Variants in LAPTM4A observed in about 807,000 individuals in gnomAD.
LAPTM4A encodes the protein lysosomal-associated transmembrane protein 4A.
LAPTM4A carries 19 observed loss-of-function variants against 29.9 expected under a neutral mutation model. The ratio of observed to expected loss-of-function variants is 0.64; its 90% CI spans 0.44 to 0.93. The LOEUF is 0.93. Ranked by LOEUF, LAPTM4A falls within the 40% of genes least tolerant of loss-of-function variation. The pLI is 0.00. For synonymous variants in LAPTM4A, 105 were observed against 102.1 expected, an observed-to-expected ratio of 1.03 and a Z score of -0.17; for missense variants, 293 against 288.5, an observed-to-expected ratio of 1.02 and a Z score of -0.11.
At position 20,034,362 on chromosome 2, in the gene LAPTM4A, G is replaced by A. The variant is rs371370646; in HGVS notation, c.582C>T (p.Asn194=). Residue 194 remains asparagine (N), a synonymous_variant, in exon 6 of 7, where the codon AAC becomes AAT. Coordinates refer to ENST00000175091, the MANE Select transcript of LAPTM4A (RefSeq NM_014713.5). ...WNCYKYINNR[N]VPEIAVYPAF... is the part of the protein sequence containing the mutation. Reference sequence around the variant, plus strand: ...CAGGGTACACAGCAATCTCCGGCACGTTTCGGTTGTTGATGTATTTATAGC... The same window carrying A: ...CAGGGTACACAGCAATCTCCGGCACATTTCGGTTGTTGATGTATTTATAGC... The A allele has an allele frequency of 3.1e-4, 502 of 1,614,054 alleles. 5 individuals are homozygous for A. In the South Asian group the frequency reaches 4.5e-3, roughly 15 times the overall value.
Position 20,051,523 on chromosome 2 carries a change from TA to T in LAPTM4A, c.-4del, listed in dbSNP as rs1350252028. On this transcript the variant is annotated 5_prime_UTR_variant, in exon 1 of 7. Transcript: ENST00000175091. ...CGCTTGAAACTCATGGACACCATCG[TA>T]ACAGGCGGGCCTCCTTCTTGGCCGG... 1.9e-6 allele frequency: 3 copies of T among 1,582,730 alleles called. No individual in the cohort carries two copies. Among genetic ancestry groups the T allele is most frequent in the African/African-American group, 1.4e-5 (1 of 73,924 alleles).
intron 1 of LAPTM4A, among the ~76,000 whole-genome samples, chr2:20,046,734 T>TAA: frequency 6.9e-6 from 1 of 145,480 alleles, no homozygotes; most frequent in Non-Finnish European, 1.5e-5. Flanking sequence ...TATATATCTA[T>TAA]ATATAAATAT....
chr2:20,035,252 CACTT>C (rs1553330703), intron 4 of LAPTM4A, 190 bp from the exon 5 acceptor site: 8 of 558,452 alleles, frequency 1.4e-5, no homozygotes, highest in Non-Finnish European at 1.9e-5. Context: ...TGCTAACAAT[CACTT>C]AGAGTACATT....
intron 5 of LAPTM4A, 138 bp downstream of exon 5, chr2:20,034,829 T>A: frequency 1.5e-6 from 1 of 659,490 alleles, no homozygotes; most frequent in Admixed American, 2.5e-5. Context: ...CTAGAAGCTA[T>A]CTCTGCTCAT....
At position 20,033,045 on chromosome 2, in the gene LAPTM4A, A is replaced by T; in HGVS notation, c.*160T>A. The stretch of plus-strand genomic sequence containing the variant: ...TTAACAAAAAAACAAAAAGACGTTT[A>T]ACAGATGTCAAAAAGCTCCTTAGTG... On this transcript the variant is annotated 3_prime_UTR_variant, in exon 7 of 7. Transcript: ENST00000175091. The T allele has an allele frequency of 3.2e-6, 2 of 632,480 alleles. No homozygotes were observed. The highest frequency in any genetic ancestry group is 5.7e-6 in the Non-Finnish European group (2 of 353,516). The allele number at this position is 632,480 out of a possible 1,614,324, so 39.2% of individuals were successfully genotyped here. A position where few individuals can be genotyped will look rare whatever the true frequency, so the allele number is the denominator to read the frequency against.
At chr2:20,048,060 C>CA (rs1673973407) in intron 1 of LAPTM4A, among the ~76,000 whole-genome samples, 1 of 152,172 alleles carries the variant, frequency 6.6e-6, no homozygotes, top group Admixed American at 6.5e-5. Flanking sequence ...CTCCCAGATA[C>CA]AGAACTTCAA....
intron 4 of LAPTM4A, among the ~76,000 whole-genome samples, chr2:20,036,483 T>C (rs1212810191): frequency 1.3e-5 from 2 of 152,196 alleles, no homozygotes. Flanking sequence ...CACCAGGAAG[T>C]AAGCTCCACT....
At chr2:20,042,790 T>C (rs1673828776) in intron 1 of LAPTM4A, among the ~76,000 whole-genome samples, 2 of 152,202 alleles carry the variant, frequency 1.3e-5, no homozygotes, top group Admixed American at 6.5e-5. Context: ...AGAAAGAGTA[T>C]TGTTAACGAC....
chr2:20,036,594 C>G (rs909286776), intron 4 of LAPTM4A, among the ~76,000 whole-genome samples: 5 of 152,196 alleles, frequency 3.3e-5, no homozygotes, highest in Admixed American at 1.3e-4. Flanking sequence ...GGAAAATGGG[C>G]TAGGCAGGAA....
intron 2 of LAPTM4A, among the ~76,000 whole-genome samples, chr2:20,039,898 T>G (rs750150631): frequency 4.6e-5 from 7 of 151,802 alleles, no homozygotes; most frequent in Non-Finnish European, 1.0e-4. Context: ...TACAAAAAAT[T>G]AGCCGGGTGT....
intron 2 of LAPTM4A, among the ~76,000 whole-genome samples, chr2:20,039,556 C>T (rs1673749403): frequency 6.6e-6 from 1 of 151,748 alleles, no homozygotes; most frequent in South Asian, 2.1e-4. Context: ...GAGCTCAAGA[C>T]CAGCCTGGTA....
intron 4 of LAPTM4A, 63 bp downstream of exon 4, chr2:20,037,253 T>C: frequency 7.2e-7 from 1 of 1,380,372 alleles, no homozygotes; most frequent in Non-Finnish European, 9.9e-7. Flanking sequence ...TGATTCAGAA[T>C]TTAAATGTAA....
At chr2:20,037,491 G>C (rs1423027379) in intron 3 of LAPTM4A, 47 bp downstream of exon 3, 1 of 1,601,192 alleles carries the variant, frequency 6.2e-7, no homozygotes, top group South Asian at 1.1e-5. Context: ...AAATTACTAA[G>C]CTCCCCTAAG....
chr2:20,045,517 A>G (rs1436965610), intron 1 of LAPTM4A, among the ~76,000 whole-genome samples: 1 of 152,056 alleles, frequency 6.6e-6, no homozygotes, highest in East Asian at 1.9e-4. Context: ...GGCAATATGG[A>G]GAGGTATAGA....
At chr2:20,043,192 C>T (rs1394235754) in intron 1 of LAPTM4A, among the ~76,000 whole-genome samples, 1 of 146,708 alleles carries the variant, frequency 6.8e-6, no homozygotes, top group East Asian at 2.0e-4. Flanking sequence ...CACACCTCAG[C>T]CTCCCAAGTA....
intron 1 of LAPTM4A, among the ~76,000 whole-genome samples, chr2:20,051,202 C>G (rs1267269717): frequency 6.6e-6 from 1 of 152,158 alleles, no homozygotes; most frequent in Non-Finnish European, 1.5e-5. Flanking sequence ...CCATGCTTAC[C>G]ACCGCCCCCC....
At chr2:20,046,110 G>A (rs1673912522) in intron 1 of LAPTM4A, among the ~76,000 whole-genome samples, 2 of 152,124 alleles carry the variant, frequency 1.3e-5, no homozygotes, top group East Asian at 1.9e-4. Context: ...ACCAAACACC[G>A]CATGTTCTCA....
At chr2:20,041,899 A>G (rs1673809953) in intron 1 of LAPTM4A, among the ~76,000 whole-genome samples, 1 of 152,174 alleles carries the variant, frequency 6.6e-6, no homozygotes, top group South Asian at 2.1e-4. Context: ...ACCTGAAAAC[A>G]GCCTCCAAAT....
At chr2:20,040,645 T>C (rs984861497) in intron 2 of LAPTM4A, among the ~76,000 whole-genome samples, 1 of 152,208 alleles carries the variant, frequency 6.6e-6, no homozygotes, top group African/African-American at 2.4e-5. Context: ...TGCCACTGTA[T>C]GATAACTGCC....
Sources: gnomAD v4.1 joint callset for allele counts (sites outside exome capture counted in the v4.1 genomes callset) on GRCh38, gnomAD v4.1.1 for gene constraint, MANE v1.5 for transcripts, NCBI Gene and HGNC (gene_info 2026-07-23, HGNC 2026-07-21) for gene names.